Variants in NCOA2 observed in about 807,000 individuals in gnomAD.
NCOA2 encodes the protein class E basic helix-loop-helix protein 75.
A neutral mutation model predicts 145.1 loss-of-function variants in NCOA2; 21 were observed. The observed-to-expected ratio is 0.14, with a 90% confidence interval of 0.10 to 0.21. The LOEUF (loss-of-function observed/expected upper bound fraction) is 0.21. Ranked by LOEUF, NCOA2 falls within the 10% of genes least tolerant of loss-of-function variation. The pLI, the probability that NCOA2 is intolerant of heterozygous loss-of-function variation, is 1.00. For missense variants in NCOA2, 1,472 were observed against 1,837.6 expected (o/e 0.80, Z 3.64); for synonymous variants, 619 against 637.5 (o/e 0.97, Z 0.44).
chr8:70,146,706 T>C (rs2131968017), intron 12 of NCOA2, among the ~76,000 whole-genome samples: 1 of 152,228 alleles, frequency 6.6e-6, no homozygotes, highest in Non-Finnish European at 1.5e-5. Context: ...TGTCTGTTTT[T>C]TTTTTTGAGA....
chr8:70,309,722 G>A (rs1466080966), intron 1 of NCOA2, among the ~76,000 whole-genome samples: 1 of 152,042 alleles, frequency 6.6e-6, no homozygotes, highest in Non-Finnish European at 1.5e-5. Flanking sequence ...AGGTCGACAT[G>A]GGAGGATTGC....
intron 2 of NCOA2, among the ~76,000 whole-genome samples, chr8:70,290,214 TCTCG>T (rs1321578814): frequency 3.6e-5 from 5 of 140,058 alleles, no homozygotes; most frequent in African/African-American, 1.4e-4. Context: ...TGAGATGGAG[TCTCG>T]CTCTGTTGCC....
the NCOA2 span, among the ~76,000 whole-genome samples, chr8:70,424,863 C>G: frequency 3.0e-4 from 46 of 152,270 alleles, no homozygotes; most frequent in Admixed American, 7.9e-4. Flanking sequence ...TGAAGATGTA[C>G]AAACCATCCC....
At chr8:70,403,551 C>G in intron 1 of NCOA2, 149 bp downstream of exon 1, 3 of 302,364 alleles carry the variant, frequency 9.9e-6, no homozygotes, top group Non-Finnish European at 1.8e-5. Flanking sequence ...CGGCGGTCCC[C>G]GCACACAAAA....
chr8:70,354,868 G>C (rs1440770076), intron 1 of NCOA2, among the ~76,000 whole-genome samples: 1 of 152,172 alleles, frequency 6.6e-6, no homozygotes, highest in Non-Finnish European at 1.5e-5. Flanking sequence ...CTGTGAAAAA[G>C]CTGATAGTTT....
chr8:70,271,403 G>A (rs779231111), intron 2 of NCOA2, among the ~76,000 whole-genome samples: 1 of 152,210 alleles, frequency 6.6e-6, no homozygotes, highest in Non-Finnish European at 1.5e-5. Flanking sequence ...TTTATGTGAA[G>A]ACTGTGTAAT....
intron 1 of NCOA2, among the ~76,000 whole-genome samples, chr8:70,342,723 A>T (rs577813792): frequency 6.0e-4 from 89 of 147,970 alleles, no homozygotes; most frequent in African/African-American, 2.1e-3. Flanking sequence ...TTTTTTTTTT[A>T]AAAAGGACTT....
chr8:70,256,261 C>T (rs115692336), intron 2 of NCOA2, among the ~76,000 whole-genome samples: 1,713 of 152,268 alleles, frequency 0.011, 42 homozygotes, highest in African/African-American at 0.039. Context: ...GACCAGCTGA[C>T]AGAACGGGAG....
At chr8:70,393,477 T>C (rs1460175682) in intron 1 of NCOA2, among the ~76,000 whole-genome samples, 4 of 152,068 alleles carry the variant, frequency 2.6e-5, no homozygotes, top group Non-Finnish European at 4.4e-5. Context: ...GGCTCCCTCT[T>C]TTCCTCTCTT....
the NCOA2 span, among the ~76,000 whole-genome samples, chr8:70,453,588 A>G: frequency 6.6e-6 from 1 of 152,218 alleles, no homozygotes. Context: ...TTTATTTTAA[A>G]TCAAGTGTTG....
At chr8:70,395,431 C>A (rs1481865293) in intron 1 of NCOA2, among the ~76,000 whole-genome samples, 1 of 152,182 alleles carries the variant, frequency 6.6e-6, no homozygotes, top group Non-Finnish European at 1.5e-5. Flanking sequence ...ATAACTACAA[C>A]CTGCTTCTGT....
At chr8:70,373,848 G>C (rs985253722) in intron 1 of NCOA2, among the ~76,000 whole-genome samples, 1 of 152,118 alleles carries the variant, frequency 6.6e-6, no homozygotes, top group Non-Finnish European at 1.5e-5. Context: ...GCTATATTCT[G>C]CTCCATTGAT....
the NCOA2 span, among the ~76,000 whole-genome samples, chr8:70,456,331 G>C: frequency 6.6e-6 from 1 of 152,180 alleles, no homozygotes; most frequent in Admixed American, 6.5e-5. Flanking sequence ...AGAGGACTGG[G>C]AGTGGGAGAT....
rs1238801632 is a variant in NCOA2 at position 70,156,564 on chromosome 8, C to T, written c.1801G>A (p.Glu601Lys). The change falls in exon 11 of 23, where the codon GAG (glutamate) becomes AAG (lysine). Residue 601 changes from glutamate (E) to lysine (K), a missense_variant. Around this residue, in one of 4 missense-constraint regions of NCOA2, gnomAD observed 953 missense variants for 1,062.1 expected, o/e 0.90. Transcript: ENST00000452400. The stretch of plus-strand genomic sequence containing the variant: ...TGCTCTCCAGGATGGCAGCTGCTCT[C>T]TGCTTGTCCAGTTGTACCTTCAGAG... ...EPSEGTTGQA[E>K]SSCHPGEQKE... is the part of the protein sequence containing the mutation. The T allele has an allele frequency of 6.2e-7, 1 of 1,613,958 alleles. No homozygotes were observed. The highest frequency in any genetic ancestry group is 1.7e-5 in the Admixed American group (1 of 60,026).
rs576963271 is a variant in NCOA2, at chr8:70,282,180, T to C, written c.-20+14564A>G. On this transcript the variant is annotated intron_variant, in intron 2 of 22. Coordinates refer to ENST00000452400, the MANE Select transcript of NCOA2 (RefSeq NM_006540.4). The stretch of plus-strand genomic sequence containing the variant: ...AGCAATGTAAGAGATTAAAATGCTA[T>C]TTATTTGAGCATCTCAATATGGGGT... 1.1e-3 allele frequency among the ~76,000 whole-genome samples: 175 copies of C among 152,308 alleles called. 1 individual carries two copies. The highest frequency in any genetic ancestry group is 4.1e-3 in the African/African-American group (169 of 41,560).
intron 10 of NCOA2, among the ~76,000 whole-genome samples, chr8:70,159,222 T>TTTTATATATATA (rs1554578437): frequency 5.6e-4 from 25 of 44,490 alleles, no homozygotes; most frequent in East Asian, 3.2e-3. Context: ...CAGTATAACA[T>TTTTATATATATA]TATATATATA....
chr8:70,452,308 A>C, the NCOA2 span, among the ~76,000 whole-genome samples: 3 of 152,208 alleles, frequency 2.0e-5, no homozygotes, highest in East Asian at 1.9e-4. Flanking sequence ...TTCTCCAAAG[A>C]AATAAAAAGT....
chr8:70,405,641 A>G (rs567015391), upstream of NCOA2, among the ~76,000 whole-genome samples: 9 of 150,828 alleles, frequency 6.0e-5, no homozygotes, highest in African/African-American at 1.7e-4. Flanking sequence ...CTCACCCCCA[A>G]CTGTGAGTTA....
intron 1 of NCOA2, among the ~76,000 whole-genome samples, chr8:70,378,049 A>T (rs920215273): frequency 1.1e-4 from 16 of 152,320 alleles, no homozygotes; most frequent in Non-Finnish European, 1.5e-5. Context: ...GACTGCAAGT[A>T]AAATGGACCA....
Sources: allele counts gnomAD v4.1 joint callset (sites outside exome capture counted in the v4.1 genomes callset), GRCh38; gene constraint gnomAD v4.1.1; regional missense constraint gnomAD v4.1.1; transcripts MANE v1.5; gene names NCBI Gene and HGNC (gene_info 2026-07-23, HGNC 2026-07-21).